ADGB: variants seen among roughly 807,000 people sequenced by gnomAD.
The protein encoded by ADGB is calpain-7-like protein.
Under a neutral mutation model 210.5 loss-of-function variants are expected in ADGB, and 172 were observed. The ratio of observed to expected loss-of-function variants is 0.82; its 90% CI spans 0.72 to 0.93. ADGB has a LOEUF of 0.93. Among genes scored for constraint, ADGB ranks in the 40% least tolerant of loss-of-function variants. The probability of loss-of-function intolerance (pLI) is 0.00; values close to 1 mark genes in which losing one functional copy is unlikely to be tolerated. For synonymous variants in ADGB, 658 were observed against 662.7 expected (o/e 0.99, Z 0.11); for missense variants, 2,025 against 1,964.8 (o/e 1.03, Z -0.58).
rs544766740 is a variant in ADGB, at chr6:146,672,404, T to C, written c.1024T>C (p.Phe342Leu). Residue 342 changes from phenylalanine to leucine, a missense_variant, in exon 8 of 36, where the codon TTC becomes CTC. By Grantham distance (22) the Phe-to-Leu change is conservative. Coordinates refer to ENST00000397944, the MANE Select transcript of ADGB (RefSeq NM_024694.4). Reference protein sequence around the residue: ...DGKEVKDVKEFKPESSLTTLK... With the variant: ...DGKEVKDVKELKPESSLTTLK... ...AAAGGAAGTAAAAGACGTGAAGGAA[T>C]TCAAACCTGAAAGTTCTTTGACAAC... 6.4e-7 allele frequency: 1 copy of C among 1,551,142 alleles called. No individual in the cohort carries two copies. Among genetic ancestry groups the C allele is most frequent in the African/African-American group, 1.4e-5 (1 of 73,082 alleles).
At chr6:146,756,425 G>A (rs984753834) in intron 27 of ADGB, among the ~76,000 whole-genome samples, 1 of 152,088 alleles carries the variant, frequency 6.6e-6, no homozygotes, top group Non-Finnish European at 1.5e-5. Flanking sequence ...GTACAGTTCA[G>A]GCTGTGACCT....
At chr6:146,780,364 A>C (rs537541757) in intron 29 of ADGB, among the ~76,000 whole-genome samples, 1 of 152,294 alleles carries the variant, frequency 6.6e-6, no homozygotes, top group East Asian at 1.9e-4. Context: ...TAATTATTTT[A>C]AATGTAAGTT....
At chr6:146,635,076 C>T (rs1278175533) in intron 1 of ADGB, among the ~76,000 whole-genome samples, 1 of 151,844 alleles carries the variant, frequency 6.6e-6, no homozygotes, top group African/African-American at 2.4e-5. Flanking sequence ...AGCTATTTAT[C>T]AACTATATGT....
intron 29 of ADGB, among the ~76,000 whole-genome samples, 187 bp from the exon 30 acceptor site, chr6:146,781,833 T>C (rs1231704436): frequency 3.9e-5 from 6 of 152,178 alleles, no homozygotes; most frequent in Non-Finnish European, 5.9e-5. Context: ...GGTGAGTGTT[T>C]GGTATATGAA....
chr6:146,793,408 A>G (rs1294001268), intron 33 of ADGB, among the ~76,000 whole-genome samples: 1 of 152,174 alleles, frequency 6.6e-6, no homozygotes, highest in Non-Finnish European at 1.5e-5. Flanking sequence ...GAATGGGGTG[A>G]TGACCACTGT....
At chr6:146,780,890 C>T (rs773992460) in intron 29 of ADGB, among the ~76,000 whole-genome samples, 3 of 152,038 alleles carry the variant, frequency 2.0e-5, no homozygotes, top group Non-Finnish European at 2.9e-5. Flanking sequence ...CAGCAGAATA[C>T]ACATTCTTCT....
intron 12 of ADGB, among the ~76,000 whole-genome samples, chr6:146,696,529 C>G (rs1393588167): frequency 6.7e-6 from 1 of 149,306 alleles, no homozygotes; most frequent in Admixed American, 6.6e-5. Context: ...AGAGGATTAA[C>G]TAGAAAGGGC....
At chr6:146,743,335 G>C (rs1417214497) in intron 25 of ADGB, among the ~76,000 whole-genome samples, 9 of 152,038 alleles carry the variant, frequency 5.9e-5, no homozygotes, top group Non-Finnish European at 1.3e-4. Context: ...AAGAATATTT[G>C]GTTGAACCAA....
chr6:146,795,311 C>G (rs1166659823), intron 33 of ADGB, among the ~76,000 whole-genome samples: 3 of 152,080 alleles, frequency 2.0e-5, no homozygotes, highest in Non-Finnish European at 2.9e-5. Context: ...CAAGTAGAAT[C>G]TTATTAAACT....
intron 20 of ADGB, among the ~76,000 whole-genome samples, chr6:146,731,275 G>A (rs1776982107): frequency 6.6e-6 from 1 of 151,348 alleles, no homozygotes; most frequent in African/African-American, 2.4e-5. Context: ...CCACCCTTAA[G>A]TAAACTCTTA....
chr6:146,780,579 G>A (rs940036752), intron 29 of ADGB, among the ~76,000 whole-genome samples: 1 of 151,998 alleles, frequency 6.6e-6, no homozygotes, highest in African/African-American at 2.4e-5. Context: ...GGTCTAAGAT[G>A]AAAAATGTTA....
chr6:146,634,655 T>G (rs1190184815), intron 1 of ADGB, among the ~76,000 whole-genome samples: 1 of 152,050 alleles, frequency 6.6e-6, no homozygotes, highest in African/African-American at 2.4e-5. Context: ...AGTCAAAATC[T>G]ATCACAAACC....
intron 32 of ADGB, among the ~76,000 whole-genome samples, chr6:146,787,907 G>A (rs1777897171): frequency 6.6e-6 from 1 of 151,378 alleles, no homozygotes; most frequent in African/African-American, 2.4e-5. Context: ...ACACTGAATA[G>A]ACTCAGAGTA....
intron 12 of ADGB, among the ~76,000 whole-genome samples, chr6:146,697,523 G>A (rs1279638336): frequency 1.3e-5 from 2 of 152,074 alleles, no homozygotes; most frequent in Non-Finnish European, 2.9e-5. Flanking sequence ...GAACTCAATA[G>A]ATGTGCTTAA....
chr6:146,663,219 A>T (rs542072805), intron 5 of ADGB, among the ~76,000 whole-genome samples: 17 of 145,006 alleles, frequency 1.2e-4, no homozygotes, highest in African/African-American at 4.3e-4. Context: ...TATATATATA[A>T]GTATATATAA....
intron 9 of ADGB, among the ~76,000 whole-genome samples, chr6:146,678,340 C>A (rs1362583324): frequency 6.6e-6 from 1 of 152,156 alleles, no homozygotes; most frequent in African/African-American, 2.4e-5. Flanking sequence ...GATTCTTGTG[C>A]CTCAACCTCC....
Position 146,803,000 on chromosome 6 carries a change from T to C in ADGB, c.4818+989T>C, listed in dbSNP as rs568035248. 3.1e-6 allele frequency: 5 copies of C among 1,608,392 alleles called. No individual in the cohort carries two copies. In the African/African-American group the frequency reaches 6.7e-5, roughly 22 times the overall value. ...CTGCTTGAAGCCAGTTTAAACCAAC[T>C]ATAACATATTCTTCAAATTTGCTTT... On this transcript the variant is annotated intron_variant, in intron 35 of 35. Coordinates refer to ENST00000397944, the MANE Select transcript of ADGB (RefSeq NM_024694.4).
intron 1 of ADGB, among the ~76,000 whole-genome samples, chr6:146,610,887 G>T (rs2114829593): frequency 6.6e-6 from 1 of 152,242 alleles, no homozygotes; most frequent in South Asian, 2.1e-4. Context: ...TTGCAGGGTG[G>T]CAGGATCCAT....
chr6:146,643,265 A>G (rs1775545324), intron 2 of ADGB, among the ~76,000 whole-genome samples: 1 of 151,410 alleles, frequency 6.6e-6, no homozygotes. Context: ...TATACTTATA[A>G]TGTTCAAACT....
Sources: allele counts gnomAD v4.1 joint callset (sites outside exome capture counted in the v4.1 genomes callset), GRCh38; gene constraint gnomAD v4.1.1; transcripts MANE v1.5; gene names NCBI Gene and HGNC (gene_info 2026-07-23, HGNC 2026-07-21).